IL36G: variants seen among roughly 807,000 people sequenced by gnomAD.
The protein encoded by IL36G is interleukin-36 gamma.
Under a neutral mutation model 13.5 loss-of-function variants are expected in IL36G, and 10 were observed. The ratio of observed to expected loss-of-function variants is 0.74; its 90% confidence interval spans 0.46 to 1.26. The LOEUF (loss-of-function observed/expected upper bound fraction) is 1.26. Ranked by LOEUF, IL36G falls within the 50% of genes most tolerant of loss-of-function variation. The pLI, the probability that IL36G is intolerant of heterozygous loss-of-function variation, is 0.00. For synonymous variants in IL36G, 84 were observed against 74.0 expected (o/e 1.13, Z -0.69); for missense variants, 199 against 203.0 (o/e 0.98, Z 0.12).
At chr2:112,979,859 G>GAATGAATC in intron 3 of IL36G, 150 bp from the exon 4 acceptor site, 1 of 636,032 alleles carries the variant, frequency 1.6e-6, no homozygotes, top group Non-Finnish European at 2.7e-6. Context: ...ATGAATGAAT[G>GAATGAATC]AATATGGGGG....
Position 112,980,149 on chromosome 2 carries a change from G to A in IL36G, c.300+1G>A, listed in dbSNP as rs755103547. On this transcript the variant is annotated splice_donor_variant, in intron 4 of 4. Coordinates refer to ENST00000259205, the MANE Select transcript of IL36G (RefSeq NM_019618.4). LOFTEE classifies it high-confidence loss of function. ...AGAACAGCCCACATTGCAGCTAAAAGTGAGTAGCTAAGAAAAATATTTAAA... is the reference window on the plus strand; with the variant it reads ...AGAACAGCCCACATTGCAGCTAAAAATGAGTAGCTAAGAAAAATATTTAAA... The A allele has an allele frequency of 9.3e-6, 15 of 1,610,560 alleles. No homozygotes were observed. Among genetic ancestry groups the A allele is most frequent in the Non-Finnish European group, 1.1e-5 (13 of 1,178,868 alleles).
Position 112,985,580 on chromosome 2 carries a change from A to G in IL36G, c.*531A>G, listed in dbSNP as rs1684336464. ...TGTTAAGTTAAATCATTTTTGTCCT[A>G]ATTGTAATGTGTAATCTTAAAGTTA... On this transcript the variant is annotated 3_prime_UTR_variant, in exon 5 of 5. Coordinates refer to ENST00000259205, the MANE Select transcript of IL36G (RefSeq NM_019618.4). 2 of 152,834 alleles carry G rather than the reference A, an allele frequency of 1.3e-5. No individual in the cohort carries two copies. The highest frequency in any genetic ancestry group is 2.9e-5 in the Non-Finnish European group (2 of 68,466). The allele number at this position is 152,834 out of a possible 1,614,324, so 9.5% of individuals were successfully genotyped here. A position where few individuals can be genotyped will look rare whatever the true frequency, so the allele number is the denominator to read the frequency against.
intron 2 of IL36G, 118 bp from the exon 3 acceptor site, chr2:112,979,103 G>T: frequency 3.0e-6 from 2 of 660,656 alleles, no homozygotes; most frequent in Admixed American, 2.4e-5. Context: ...GTCAGTTTGG[G>T]GATGCAAACC....
Position 112,984,996 on chromosome 2 carries a change from TCAGAACTTGGGAAGTCATA to T in IL36G, c.460_478del (p.Glu154ThrfsTer6). 6.2e-7 allele frequency: 1 copy of T among 1,614,118 alleles called. No homozygotes were observed. The highest frequency in any genetic ancestry group is 8.5e-7 in the Non-Finnish European group (1 of 1,180,010). On this transcript the variant is annotated frameshift_variant, in exon 5 of 5. Coordinates refer to ENST00000259205, the MANE Select transcript of IL36G (RefSeq NM_019618.4). LOFTEE classifies it low-confidence loss of function (END_TRUNC). ...GAGAGACCAGCCCATCATTCTGACT[TCAGAACTTGGGAAGTCATA>T]CAACACTGCCTTTGAATTAAATATA...
chr2:112,981,495 T>G (rs1311748420), intron 4 of IL36G: 2 of 573,962 alleles, frequency 3.5e-6, no homozygotes, highest in East Asian at 6.1e-5. Flanking sequence ...TGTGCGGGTT[T>G]TGGTCAGTCT....
chr2:112,981,482 C>A, intron 4 of IL36G: 1 of 593,560 alleles, frequency 1.7e-6, no homozygotes, highest in Non-Finnish European at 3.0e-6. Flanking sequence ...CAGGATGCAG[C>A]ATTGTGCGGG....
chr2:112,981,526 C>G (rs1684260962), intron 4 of IL36G: 2 of 514,134 alleles, frequency 3.9e-6, no homozygotes, highest in African/African-American at 1.9e-5. Flanking sequence ...CTTGCCTCTT[C>G]TTCACACTGC....
intron 4 of IL36G, among the ~76,000 whole-genome samples, chr2:112,980,968 T>C (rs548557943): frequency 6.6e-6 from 1 of 152,324 alleles, no homozygotes; most frequent in Admixed American, 6.5e-5. Flanking sequence ...CCCACATCGA[T>C]CCAGCTTTGG....
intron 4 of IL36G, among the ~76,000 whole-genome samples, chr2:112,982,267 C>G (rs561640636): frequency 6.6e-6 from 1 of 152,242 alleles, no homozygotes; most frequent in African/African-American, 2.4e-5. Context: ...GTAGAAAGAG[C>G]TAGGGAAGTT....
At chr2:112,982,893 C>T (rs895189832) in intron 4 of IL36G, among the ~76,000 whole-genome samples, 12 of 151,936 alleles carry the variant, frequency 7.9e-5, no homozygotes, top group Admixed American at 3.9e-4. Context: ...ATATGGACAG[C>T]GATTGCAGGA....
At chr2:112,979,456 G>A in intron 3 of IL36G, 131 bp downstream of exon 3, 3 of 613,166 alleles carry the variant, frequency 4.9e-6, no homozygotes, top group Non-Finnish European at 5.9e-6. Context: ...ACCTAATTGG[G>A]AAGAGAAGTC....
At chr2:112,978,991 C>A (rs1187078471) in intron 2 of IL36G, among the ~76,000 whole-genome samples, 1 of 152,216 alleles carries the variant, frequency 6.6e-6, no homozygotes, top group African/African-American at 2.4e-5. Context: ...TGATAGTTTG[C>A]CCTCTTAAAC....
At chr2:112,978,481 C>T (rs189371786) in intron 1 of IL36G, 139 bp from the exon 2 acceptor site, 2 of 677,308 alleles carry the variant, frequency 3.0e-6, no homozygotes, top group African/African-American at 1.8e-5. Flanking sequence ...CCAGATGTGG[C>T]TCAGAACTTC....
chr2:112,984,653 T>C (rs1684322310), intron 4 of IL36G, among the ~76,000 whole-genome samples, 187 bp from the exon 5 acceptor site: 1 of 152,214 alleles, frequency 6.6e-6, no homozygotes, highest in African/African-American at 2.4e-5. Flanking sequence ...GGGTGGGGGC[T>C]TGGAAGGTAA....
At chr2:112,984,096 C>A (rs971975961) in intron 4 of IL36G, among the ~76,000 whole-genome samples, 1 of 152,152 alleles carries the variant, frequency 6.6e-6, no homozygotes, top group Non-Finnish European at 1.5e-5. Flanking sequence ...AACTGGAAGC[C>A]ATTAATTGAG....
chr2:112,984,787 A>G (rs1299949095), intron 4 of IL36G, 53 bp from the exon 5 acceptor site: 2 of 1,411,262 alleles, frequency 1.4e-6, no homozygotes, highest in South Asian at 1.2e-5. Flanking sequence ...ATAACCTTGA[A>G]TATCTCAAAC....
At chr2:112,979,355 G>C in intron 3 of IL36G, 30 bp downstream of exon 3, 1 of 1,289,280 alleles carries the variant, frequency 7.8e-7, no homozygotes, top group Admixed American at 1.7e-5. Flanking sequence ...CTTCCCCACT[G>C]TTTGCACTGC....
In IL36G at chr2:112,978,658, A is replaced by G. The variant is rs769970410; in HGVS notation, c.20A>G (p.Asp7Gly). The change falls in exon 2 of 5, where the codon GAC becomes GGC. Residue 7 changes from aspartate (D) to glycine (G), a missense_variant. Physicochemically the swap from Asp to Gly is moderately conservative, Grantham distance 94. Coordinates refer to ENST00000259205, the MANE Select transcript of IL36G (RefSeq NM_019618.4). ...CACACTATGAGAGGCACTCCAGGAG[A>G]CGCTGATGGTGGAGGAAGGGCCGTC... MRGTPGDADGGGRAVYQ... is the reference protein window; with the variant it reads MRGTPGGADGGGRAVYQ... 8 of 1,614,014 alleles carry G rather than the reference A, an allele frequency of 5.0e-6. No individual in the cohort carries two copies. The African/African-American group carries it at 1.1e-4, about 22-fold the overall frequency.
intron 4 of IL36G, chr2:112,981,232 G>A (rs1684255994): frequency 1.6e-5 from 22 of 1,390,738 alleles, no homozygotes; most frequent in Non-Finnish European, 1.7e-5. Flanking sequence ...TTTCTGCAGA[G>A]TTATTCCCCT....
Sources: allele counts gnomAD v4.1 joint callset (sites outside exome capture counted in the v4.1 genomes callset), GRCh38; gene constraint gnomAD v4.1.1; transcripts MANE v1.5; gene names NCBI Gene and HGNC (gene_info 2026-07-23, HGNC 2026-07-21).